Variants in CHRNB3 observed in about 807,000 individuals in gnomAD.
CHRNB3 encodes the protein cholinergic receptor nicotinic beta 3 subunit.
A neutral mutation model predicts 40.6 loss-of-function variants in CHRNB3; 37 were observed. The observed-to-expected ratio is 0.91, with a 90% CI of 0.70 to 1.20. The LOEUF (loss-of-function observed/expected upper bound fraction) is 1.20. Among genes scored for constraint, CHRNB3 ranks in the 50% most tolerant of loss-of-function variants. CHRNB3 has a pLI of 0.00. For missense variants in CHRNB3, 505 were observed against 551.2 expected (o/e 0.92, Z 0.84); for synonymous variants, 207 against 207.1 (o/e 1.00, Z 0.00).
At chr8:42,734,597 T>G (rs1313062317) in intron 5 of CHRNB3, among the ~76,000 whole-genome samples, 1 of 151,576 alleles carries the variant, frequency 6.6e-6, no homozygotes, top group Non-Finnish European at 1.5e-5. Context: ...TTTTTTGTGT[T>G]TTTAGTAGAG....
intron 4 of CHRNB3, 67 bp from the exon 5 acceptor site, chr8:42,731,600 C>T: frequency 6.9e-7 from 1 of 1,452,074 alleles, no homozygotes; most frequent in Non-Finnish European, 9.3e-7. Flanking sequence ...ATAGTCAATG[C>T]TGGGAAAAAG....
At chr8:42,730,570 TCA>T in intron 3 of CHRNB3, 22 bp from the exon 4 acceptor site, 1 of 1,388,094 alleles carries the variant, frequency 7.2e-7, no homozygotes, top group Non-Finnish European at 1.0e-6. Context: ...CGGAATAAAA[TCA>T]CAGTGTACTA....
intron 3 of CHRNB3, chr8:42,726,047 C>T: frequency 1.1e-6 from 1 of 949,176 alleles, no homozygotes; most frequent in Non-Finnish European, 1.7e-6. Context: ...ACGTTTCTGT[C>T]ACCAGGAATC....
intron 1 of CHRNB3, among the ~76,000 whole-genome samples, chr8:42,707,857 T>C (rs1324877048): frequency 6.6e-6 from 1 of 152,188 alleles, no homozygotes; most frequent in Non-Finnish European, 1.5e-5. Flanking sequence ...CTAACACACA[T>C]AAAATGAACA....
At position 42,734,034 on chromosome 8, in the gene CHRNB3, G is replaced by C. The variant is rs182873520; in HGVS notation, c.1242+1485G>C. ...GCACTTTGGGAGGCCAAGGTGAGTGGATCACGAGGTCAACAGATCAAGACC... is the reference window on the plus strand; with the variant it reads ...GCACTTTGGGAGGCCAAGGTGAGTGCATCACGAGGTCAACAGATCAAGACC... On this transcript the variant is annotated intron_variant, in intron 5 of 5. Coordinates refer to ENST00000289957, the MANE Select transcript of CHRNB3 (RefSeq NM_000749.5). 2.6e-3 allele frequency among the ~76,000 whole-genome samples: 395 copies of C among 151,182 alleles called. 1 individual carries two copies. Among genetic ancestry groups the C allele is most frequent in the African/African-American group, 9.2e-3 (382 of 41,352 alleles).
At chr8:42,713,277 C>A (rs1410067345) in intron 3 of CHRNB3, among the ~76,000 whole-genome samples, 1 of 152,030 alleles carries the variant, frequency 6.6e-6, no homozygotes, top group Non-Finnish European at 1.5e-5. Flanking sequence ...CAGCATTAGA[C>A]ACAAAAGAGT....
chr8:42,703,435 A>AAAAAAAAAAAAAAAAATATATATATAT, intron 1 of CHRNB3, among the ~76,000 whole-genome samples: 12 of 47,396 alleles, frequency 2.5e-4, no homozygotes, highest in African/African-American at 7.5e-4. Flanking sequence ...AAAAAAAAAA[A>AAAAAAAAAAAAAAAAATATATATATAT]ATATTTATAT....
intron 3 of CHRNB3, among the ~76,000 whole-genome samples, chr8:42,711,496 G>C (rs1816015834): frequency 6.6e-6 from 1 of 151,850 alleles, no homozygotes; most frequent in South Asian, 2.1e-4. Flanking sequence ...CCAGGTTCAA[G>C]TGATTCTTGT....
intron 3 of CHRNB3, among the ~76,000 whole-genome samples, chr8:42,720,159 G>A (rs1369770061): frequency 4.8e-5 from 5 of 104,716 alleles, no homozygotes; most frequent in Admixed American, 1.6e-4. Context: ...ATGGAGTCTT[G>A]CTCTGTCACC....
rs766276732 is a variant in CHRNB3 at position 42,731,895 on chromosome 8, C to T, written c.588C>T (p.Phe196=). The change falls in exon 5 of 6, where the codon TTC becomes TTT. Residue 196 remains phenylalanine, a synonymous_variant. Coordinates refer to ENST00000289957, the MANE Select transcript of CHRNB3 (RefSeq NM_000749.5). ...AAAATGTCGACAGAAAAGACTTCTT[C>T]GATAACGGAGAATGGGAAATACTGA... ...INENVDRKDF[F]DNGEWEILNA... 6.2e-7 allele frequency: 1 copy of T among 1,614,058 alleles called. No individual in the cohort carries two copies. Among genetic ancestry groups the T allele is most frequent in the African/African-American group, 1.3e-5 (1 of 74,976 alleles).
At chr8:42,725,769 T>C in intron 3 of CHRNB3, 1 of 910,762 alleles carries the variant, frequency 1.1e-6, no homozygotes, top group South Asian at 1.3e-5. Context: ...CTTGTCCACG[T>C]TTCAAAATGA....
At chr8:42,703,435 A>AAAAATATATATATATATAT in intron 1 of CHRNB3, among the ~76,000 whole-genome samples, 18 of 47,406 alleles carry the variant, frequency 3.8e-4, no homozygotes, top group East Asian at 2.3e-3. Context: ...AAAAAAAAAA[A>AAAAATATATATATATATAT]ATATTTATAT....
intron 1 of CHRNB3, among the ~76,000 whole-genome samples, chr8:42,707,806 A>G (rs900574960): frequency 6.6e-6 from 1 of 152,210 alleles, no homozygotes; most frequent in Non-Finnish European, 1.5e-5. Context: ...TGAGGGGCAC[A>G]CGGCTGGTGT....
chr8:42,724,136 C>T (rs2128907687), intron 3 of CHRNB3, among the ~76,000 whole-genome samples: 1 of 152,184 alleles, frequency 6.6e-6, no homozygotes, highest in East Asian at 1.9e-4. Context: ...GTGGCTCATG[C>T]CTGTAATCCC....
Position 42,736,800 on chromosome 8 carries a change from A to T in CHRNB3, c.*182A>T. On this transcript the variant is annotated 3_prime_UTR_variant, in exon 6 of 6. Transcript: ENST00000289957. ...CTCATTTGTGGTTGCCATGAGAGTGAGCTGCTTTTAAAGAAAGTGGAGCCT... is the reference window on the plus strand; with the variant it reads ...CTCATTTGTGGTTGCCATGAGAGTGTGCTGCTTTTAAAGAAAGTGGAGCCT... 1 of 735,918 alleles carries T rather than the reference A, an allele frequency of 1.4e-6. No individual in the cohort carries two copies. Among genetic ancestry groups the T allele is most frequent in the South Asian group, 1.9e-5 (1 of 54,016 alleles). 45.6% of individuals were successfully genotyped at this position (735,918 alleles called of 1,614,324 possible).
chr8:42,699,882 C>CTTT (rs576300946), intron 1 of CHRNB3, among the ~76,000 whole-genome samples: 2 of 117,582 alleles, frequency 1.7e-5, no homozygotes, highest in African/African-American at 3.1e-5. Context: ...TTGTGGTATG[C>CTTT]TTTTTTTTTT....
At chr8:42,698,581 G>A (rs1586388134) in intron 1 of CHRNB3, among the ~76,000 whole-genome samples, 1 of 152,134 alleles carries the variant, frequency 6.6e-6, no homozygotes, top group African/African-American at 2.4e-5. Flanking sequence ...TGTCAAAAAC[G>A]CCTTTTCTCA....
At chr8:42,736,304 G>A (rs1195315347) in intron 5 of CHRNB3, among the ~76,000 whole-genome samples, 180 bp from the exon 6 acceptor site, 1 of 152,122 alleles carries the variant, frequency 6.6e-6, no homozygotes, top group Non-Finnish European at 1.5e-5. Context: ...CTTCTTTTGG[G>A]CACAATTAGC....
At chr8:42,700,734 G>C (rs1815777299) in intron 1 of CHRNB3, among the ~76,000 whole-genome samples, 1 of 152,096 alleles carries the variant, frequency 6.6e-6, no homozygotes, top group South Asian at 2.1e-4. Context: ...GACAGATGTT[G>C]ATGGATCTAG....
Sources: gnomAD v4.1 joint callset for allele counts (sites outside exome capture counted in the v4.1 genomes callset) on GRCh38, gnomAD v4.1.1 for gene constraint, MANE v1.5 for transcripts, NCBI Gene and HGNC (gene_info 2026-07-23, HGNC 2026-07-21) for gene names.